The following MIER1 variants were observed in gnomAD, a reference collection of about 807,000 sequenced individuals.
MIER1 encodes mesoderm induction early response protein 1.
Under a neutral mutation model 75.7 loss-of-function variants are expected in MIER1, and 40 were observed. That is an observed-to-expected ratio of 0.53 (90% confidence interval 0.41 to 0.69). MIER1 has a LOEUF of 0.69. Ranked by LOEUF, MIER1 falls within the 30% of genes least tolerant of loss-of-function variation. MIER1 has a pLI of 0.00. For missense variants in MIER1, 574 were observed against 680.2 expected (o/e 0.84, Z 1.74); for synonymous variants, 213 against 223.4 (o/e 0.95, Z 0.42).
intron 2 of MIER1, among the ~76,000 whole-genome samples, chr1:66,929,882 T>C (rs1652656775): frequency 6.6e-6 from 1 of 152,222 alleles, no homozygotes; most frequent in Admixed American, 6.5e-5. Flanking sequence ...CACAGCAACA[T>C]CCGTTTTTCA....
chr1:66,930,878 C>G (rs958298199), intron 2 of MIER1, among the ~76,000 whole-genome samples: 4 of 152,134 alleles, frequency 2.6e-5, no homozygotes, highest in African/African-American at 9.7e-5. Context: ...TTGATTAACT[C>G]TGTAATTTTC....
chr1:66,985,751 T>C lies in MIER1; in HGVS notation c.*851T>C. On this transcript the variant is annotated 3_prime_UTR_variant, in exon 14 of 14. Transcript: ENST00000401041. ...GTTTTTCTAATGAATTTTTAAGTGT[T>C]TGTGTAGTAATTAAGTCATATTTCT... The C allele has an allele frequency of 1.0e-6, 1 of 972,936 alleles. No homozygotes were observed. Among genetic ancestry groups the C allele is most frequent in the African/African-American group, 1.8e-5 (1 of 57,010 alleles). 60.3% of individuals were successfully genotyped at this position (972,936 alleles called of 1,614,324 possible).
Position 66,946,231 on chromosome 1 carries a change from T to C in MIER1, c.275T>C (p.Leu92Ser). Reference sequence around the variant, plus strand: ...CATGATTTTGATGATGAACGAACATTAGAAGAGGAAGAAATGATGGAAGGA... The same window carrying C: ...CATGATTTTGATGATGAACGAACATCAGAAGAGGAAGAAATGATGGAAGGA... ...LVHDFDDERT[L>S]EEEEMMEGET... Residue 92 changes from leucine to serine, a missense_variant, in exon 4 of 14, where the codon TTA (leucine) becomes TCA (serine). Physicochemically the swap from Leu to Ser is moderately radical, Grantham distance 145. Transcript: ENST00000401041. The C allele has an allele frequency of 6.2e-7, 1 of 1,611,238 alleles. No individual in the cohort carries two copies. Among genetic ancestry groups the C allele is most frequent in the Non-Finnish European group, 8.5e-7 (1 of 1,179,426 alleles).
At chr1:66,936,691 A>C (rs1654927096) in intron 2 of MIER1, among the ~76,000 whole-genome samples, 1 of 151,808 alleles carries the variant, frequency 6.6e-6, no homozygotes, top group African/African-American at 2.4e-5. Context: ...CATACTTTGA[A>C]CTGATGAAAA....
intron 4 of MIER1, among the ~76,000 whole-genome samples, chr1:66,953,456 T>C (rs542644514): frequency 6.6e-6 from 1 of 152,316 alleles, no homozygotes; most frequent in South Asian, 2.1e-4. Flanking sequence ...TAAGAGACTT[T>C]TTATACTGTC....
At chr1:66,942,104 G>C (rs1369432893) in intron 3 of MIER1, among the ~76,000 whole-genome samples, 1 of 152,124 alleles carries the variant, frequency 6.6e-6, no homozygotes, top group Non-Finnish European at 1.5e-5. Flanking sequence ...TGTCATTTGA[G>C]GCTTCTGCCC....
chr1:66,930,115 G>T (rs1019748570), intron 2 of MIER1: 3 of 925,232 alleles, frequency 3.2e-6, no homozygotes, highest in East Asian at 4.2e-5. Flanking sequence ...CGCTCTTCCC[G>T]GGGAGGGCTG....
At chr1:66,954,760 G>A (rs1322365193) in intron 4 of MIER1, among the ~76,000 whole-genome samples, 1 of 151,272 alleles carries the variant, frequency 6.6e-6, no homozygotes, top group Non-Finnish European at 1.5e-5. Flanking sequence ...AGGCTGGAGT[G>A]CAGTGGCATG....
chr1:66,981,860 C>G lies in MIER1; in HGVS notation c.1311C>G (p.Asn437Lys). The G allele has an allele frequency of 1.2e-6, 2 of 1,614,064 alleles. No homozygotes were observed. Among genetic ancestry groups the G allele is most frequent in the Non-Finnish European group, 1.7e-6 (2 of 1,179,920 alleles). The change falls in exon 13 of 14, where the codon AAC becomes AAG. Residue 437 changes from asparagine (N) to lysine (K), a missense_variant. Asn to Lys is a moderately conservative substitution (Grantham distance 94). Coordinates refer to ENST00000401041, the MANE Select transcript of MIER1 (RefSeq NM_001077700.3). ...RAPSPPPTAS[N>K]SSNSQSEKED... Reference sequence around the variant, plus strand: ...CATCCCCTCCCCCAACTGCATCAAACAGTAGTAACAGCCAGTCTGAGAAAG... The same window carrying G: ...CATCCCCTCCCCCAACTGCATCAAAGAGTAGTAACAGCCAGTCTGAGAAAG...
rs1666683006 is a variant in MIER1, at chr1:66,985,690, TTCTGAG to T, written c.*795_*800del. The T allele has an allele frequency of 1.0e-6, 1 of 985,034 alleles. No individual in the cohort carries two copies. Among genetic ancestry groups the T allele is most frequent in the South Asian group, 4.7e-5 (1 of 21,288 alleles). 61.0% of individuals were successfully genotyped at this position (985,034 alleles called of 1,614,324 possible). Reference sequence around the variant, plus strand: ...TAAACTTTTATGAGAGGAATTGTTATTCTGAGTCTGTCAGCTTTCATTTTATTTTGC... The same window carrying T: ...TAAACTTTTATGAGAGGAATTGTTATTCTGTCAGCTTTCATTTTATTTTGC... On this transcript the variant is annotated 3_prime_UTR_variant, in exon 14 of 14. Coordinates refer to ENST00000401041, the MANE Select transcript of MIER1 (RefSeq NM_001077700.3).
chr1:66,985,776 T>C lies in MIER1; in HGVS notation c.*876T>C. 1 of 940,278 alleles carries C rather than the reference T, an allele frequency of 1.1e-6. No individual in the cohort carries two copies. Among genetic ancestry groups the C allele is most frequent in the Non-Finnish European group, 1.3e-6 (1 of 789,322 alleles). The allele number at this position is 940,278 out of a possible 1,614,324, so 58.2% of individuals were successfully genotyped here. On this transcript the variant is annotated 3_prime_UTR_variant, in exon 14 of 14. Transcript: ENST00000401041. ...TTGTGTAGTAATTAAGTCATATTTC[T>C]TATCCAGGTGGTTAAAGCATTCATA...
rs957168850 is a variant in MIER1, at chr1:66,987,186, A to G, written c.*2286A>G. 15 of 152,722 alleles carry G rather than the reference A, an allele frequency of 9.8e-5. No homozygotes were observed. Among genetic ancestry groups the G allele is most frequent in the Admixed American group, 9.2e-4 (14 of 15,276 alleles). The allele number at this position is 152,722 out of a possible 1,614,324, so 9.5% of individuals were successfully genotyped here. A position where few individuals can be genotyped will look rare whatever the true frequency, so the allele number is the denominator to read the frequency against. On this transcript the variant is annotated 3_prime_UTR_variant, in exon 14 of 14. Transcript: ENST00000401041. ...TTTTTGTAAAGAAATATTTAATTGTATTTTGTGTTTATACAGGTATTTCAC... is the reference window on the plus strand; with the variant it reads ...TTTTTGTAAAGAAATATTTAATTGTGTTTTGTGTTTATACAGGTATTTCAC...
rs962629969 is a variant in MIER1 at position 66,967,279 on chromosome 1, A to G, written c.773-3529A>G. 3.9e-5 allele frequency among the ~76,000 whole-genome samples: 6 copies of G among 152,132 alleles called. 1 individual carries two copies. The South Asian group carries it at 6.2e-4, about 16-fold the overall frequency. ...AAGAGACTATCTTTTCCCAGTGTAC[A>G]TTCTTGGCATCTTTGTCAAAAATGA... On this transcript the variant is annotated intron_variant, in intron 8 of 13. Transcript: ENST00000401041.
At chr1:66,978,147 G>A (rs895635450) in intron 12 of MIER1, among the ~76,000 whole-genome samples, 4 of 145,608 alleles carry the variant, frequency 2.7e-5, no homozygotes, top group African/African-American at 1.0e-4. Flanking sequence ...AGTGAGCCGA[G>A]ATCAAACCAC....
intron 8 of MIER1, 105 bp downstream of exon 8, chr1:66,963,265 C>A: frequency 1.5e-6 from 1 of 667,180 alleles, no homozygotes; most frequent in Non-Finnish European, 2.6e-6. Flanking sequence ...ACTAAGTAAC[C>A]CCATTGTAAC....
At chr1:66,971,016 C>T (rs887290880) in intron 9 of MIER1, 57 bp downstream of exon 9, 1 of 1,430,666 alleles carries the variant, frequency 7.0e-7, no homozygotes, top group Middle Eastern at 1.8e-4. Context: ...CATGTAAATG[C>T]TGTCACTTGC....
At chr1:66,966,307 T>C (rs908198956) in intron 8 of MIER1, among the ~76,000 whole-genome samples, 4 of 152,188 alleles carry the variant, frequency 2.6e-5, no homozygotes, top group Non-Finnish European at 5.9e-5. Context: ...GTCCTTGCGA[T>C]AGTTTGCTGA....
At chr1:66,940,688 G>T (rs552332932) in intron 3 of MIER1, among the ~76,000 whole-genome samples, 13 of 152,178 alleles carry the variant, frequency 8.5e-5, no homozygotes, top group African/African-American at 3.1e-4. Context: ...ACAAATTTTT[G>T]TTTGGCCACT....
chr1:66,976,573 A>C, intron 11 of MIER1, 22 bp from the exon 12 acceptor site: 1 of 1,542,118 alleles, frequency 6.5e-7, no homozygotes, highest in South Asian at 1.2e-5. Context: ...GATTCTTAAA[A>C]GCAAGCATTT....
Sources: allele counts gnomAD v4.1 joint callset (sites outside exome capture counted in the v4.1 genomes callset), GRCh38; gene constraint gnomAD v4.1.1; transcripts MANE v1.5; gene names NCBI Gene and HGNC (gene_info 2026-07-23, HGNC 2026-07-21).